Variants in BTN3A2 observed in about 807,000 individuals in gnomAD.
The protein encoded by BTN3A2 is butyrophilin protein.
Under a neutral mutation model 37.6 loss-of-function variants are expected in BTN3A2, and 25 were observed. The observed-to-expected ratio is 0.66, with a 90% CI of 0.48 to 0.93. The LOEUF (loss-of-function observed/expected upper bound fraction) is 0.93. BTN3A2 is among the 40% of genes least tolerant of loss of function. The pLI is 0.00. For synonymous variants in BTN3A2, 122 were observed against 159.4 expected (o/e 0.77, Z 1.77); for missense variants, 266 against 410.9 (o/e 0.65, Z 3.05).
chr6:26,373,589 A>C, intron 8 of BTN3A2, 176 bp downstream of exon 8: 281 of 103,010 alleles, frequency 2.7e-3, no homozygotes, highest in Middle Eastern at 0.011. Flanking sequence ...TTCTCTCTAG[A>C]AAAAAAAAAA....
rs996722758 is a variant in BTN3A2, at chr6:26,375,776, A to T, written c.*35-21A>T. ...GCCTTCTACAGCGCTAGAGATTCAT[A>T]TGTTTATCCCCATTTTTCAGGTGAG... On this transcript the variant is annotated intron_variant, in intron 10 of 10. Coordinates refer to ENST00000377708, the MANE Select transcript of BTN3A2 (RefSeq NM_007047.5). 4.5e-6 allele frequency: 7 copies of T among 1,550,010 alleles called. No homozygotes were observed. The Admixed American group carries it at 7.8e-5, about 17-fold the overall frequency.
chr6:26,367,854 T>C (rs985231349), intron 1 of BTN3A2, 136 bp from the exon 2 acceptor site: 27 of 310,120 alleles, frequency 8.7e-5, no homozygotes, highest in African/African-American at 5.2e-4. Flanking sequence ...GGGTCCTTCA[T>C]GAATCAGAGG....
At chr6:26,365,464 G>C (rs1025053381) in intron 1 of BTN3A2, 112 bp downstream of exon 1, 37 of 1,211,614 alleles carry the variant, frequency 3.1e-5, no homozygotes, top group Non-Finnish European at 4.1e-5. Flanking sequence ...CAGAGAAAGG[G>C]GTGCAGTGCC....
Position 26,373,069 on chromosome 6 carries a change from T to C in BTN3A2, c.888T>C (p.Ala296=). 6.2e-7 allele frequency: 1 copy of C among 1,614,140 alleles called. No individual in the cohort carries two copies. Among genetic ancestry groups the C allele is most frequent in the East Asian group, 2.2e-5 (1 of 44,880 alleles). The change falls in exon 6 of 11, where the codon GCT becomes GCC. Residue 296 remains alanine (A), a synonymous_variant. Coordinates refer to ENST00000377708, the MANE Select transcript of BTN3A2 (RefSeq NM_007047.5). ...SEQEMKEMGY[A]ATEREISLRE... ...AAGAGATGAAAGAAATGGGATATGC[T>C]GCAACAGAGCGGGAAATAAGCCTAA...
chr6:26,368,099 A>G, intron 2 of BTN3A2, 49 bp downstream of exon 2: 1 of 1,601,316 alleles, frequency 6.2e-7, no homozygotes, highest in Non-Finnish European at 8.5e-7. Context: ...GGGGAAGTGG[A>G]CATTTCCATG....
chr6:26,375,518 C>T (rs1275601014), intron 10 of BTN3A2: 1 of 899,712 alleles, frequency 1.1e-6, no homozygotes, highest in Non-Finnish European at 1.7e-6. Context: ...CTATCAGGGC[C>T]TCCCATTGGC....
Position 26,377,368 on chromosome 6 carries a change from T to C in BTN3A2, c.*1606T>C. 1.8e-6 allele frequency: 1 copy of C among 565,076 alleles called. No individual in the cohort carries two copies. The highest frequency in any genetic ancestry group is 3.2e-6 in the Non-Finnish European group (1 of 312,252). The allele number at this position is 565,076 out of a possible 1,614,324, so 35.0% of individuals were successfully genotyped here. On this transcript the variant is annotated 3_prime_UTR_variant, in exon 11 of 11. Transcript: ENST00000377708. Reference sequence around the variant, plus strand: ...AGTTTGGTGCCACCTTATTGGCCCCTTTATACAGATAAGGAAACTGGGGTG... The same window carrying C: ...AGTTTGGTGCCACCTTATTGGCCCCCTTATACAGATAAGGAAACTGGGGTG...
chr6:26,375,430 G>A (rs9348716), intron 10 of BTN3A2: 43,035 of 499,594 alleles, frequency 0.086, 2,238 homozygotes, highest in Non-Finnish European at 0.11. Context: ...CCTTGTTAGA[G>A]CACCACCAGC....
At chr6:26,365,832 A>G (rs770745029) in intron 1 of BTN3A2, among the ~76,000 whole-genome samples, 1 of 152,336 alleles carries the variant, frequency 6.6e-6, no homozygotes, top group Non-Finnish European at 1.5e-5. Context: ...TTACAGAAGT[A>G]TTTATAATAT....
At chr6:26,373,479 A>G in intron 8 of BTN3A2, 66 bp downstream of exon 8, 1 of 1,549,448 alleles carries the variant, frequency 6.5e-7, no homozygotes, top group Admixed American at 2.0e-5. Flanking sequence ...ATTATTTTCC[A>G]GCCCATAAGT....
In BTN3A2 at chr6:26,376,558, T is replaced by C. The variant is rs1581574489; in HGVS notation, c.*796T>C. 9 of 1,383,802 alleles carry C rather than the reference T, an allele frequency of 6.5e-6. No individual in the cohort carries two copies. The African/African-American group carries it at 1.2e-4, about 18-fold the overall frequency. 85.7% of individuals were successfully genotyped at this position (1,383,802 alleles called of 1,614,324 possible). Reference sequence around the variant, plus strand: ...AATGGCTGACCCCATGGACACCTCCTCAAACTCTCTGCAGCAGATGTAATT... The same window carrying C: ...AATGGCTGACCCCATGGACACCTCCCCAAACTCTCTGCAGCAGATGTAATT... On this transcript the variant is annotated 3_prime_UTR_variant, in exon 11 of 11. Transcript: ENST00000377708.
chr6:26,375,844 T>C lies in BTN3A2; in HGVS notation c.*82T>C. On this transcript the variant is annotated 3_prime_UTR_variant, in exon 11 of 11. Coordinates refer to ENST00000377708, the MANE Select transcript of BTN3A2 (RefSeq NM_007047.5). ...GCTCCACCTTGTTAAATAAATTGGATGTATGGAAAAATAGACTGCAGAAAA... is the reference window on the plus strand; with the variant it reads ...GCTCCACCTTGTTAAATAAATTGGACGTATGGAAAAATAGACTGCAGAAAA... 1.9e-6 allele frequency: 3 copies of C among 1,549,302 alleles called. No homozygotes were observed. The highest frequency in any genetic ancestry group is 2.6e-6 in the Non-Finnish European group (3 of 1,145,032).
intron 5 of BTN3A2, among the ~76,000 whole-genome samples, chr6:26,371,987 G>C (rs796145759): frequency 2.0e-5 from 3 of 152,146 alleles, no homozygotes; most frequent in Non-Finnish European, 1.5e-5. Context: ...CCTGTAAAAG[G>C]TTTCTTATAG....
chr6:26,370,190 C>A, intron 4 of BTN3A2, 132 bp from the exon 5 acceptor site: 1 of 1,247,518 alleles, frequency 8.0e-7, no homozygotes, highest in Non-Finnish European at 1.1e-6. Flanking sequence ...CTCATCATGA[C>A]CACACTTTTG....
Position 26,375,413 on chromosome 6 carries a change from C to CGT in BTN3A2, c.*35-384_*35-383insGT, listed in dbSNP as rs543060742. 1.3e-3 allele frequency: 597 copies of CGT among 458,630 alleles called. 3 individuals are homozygous for CGT. Among genetic ancestry groups the CGT allele is most frequent in the African/African-American group, 9.4e-3 (464 of 49,214 alleles). 28.4% of individuals were successfully genotyped at this position (458,630 alleles called of 1,614,324 possible). ...AACGAGGGAGCTTCCTGAGAAGAGT[C>CGT]CTCGGGCCTTGTTAGAGCACCACCA... is the stretch of plus-strand genomic sequence containing the variant. On this transcript the variant is annotated intron_variant, in intron 10 of 10. Coordinates refer to ENST00000377708, the MANE Select transcript of BTN3A2 (RefSeq NM_007047.5).
chr6:26,372,698 T>G, intron 5 of BTN3A2, 199 bp from the exon 6 acceptor site: 2 of 584,066 alleles, frequency 3.4e-6, no homozygotes, highest in Non-Finnish European at 5.9e-6. Context: ...TCAAGATAAG[T>G]AATAGTAGTA....
In BTN3A2 at chr6:26,368,159, G is replaced by C; in HGVS notation, c.-5-19G>C. ...CCATAGTGTCTGTCCCACACCTTCT[G>C]GTATCTCTTGATATGCAGCATAGAT... On this transcript the variant is annotated intron_variant, in intron 2 of 10. Transcript: ENST00000377708. 1 of 1,612,718 alleles carries C rather than the reference G, an allele frequency of 6.2e-7. No homozygotes were observed. The highest frequency in any genetic ancestry group is 1.7e-5 in the Admixed American group (1 of 59,998).
At position 26,368,201 on chromosome 6, in the gene BTN3A2, C is replaced by G; in HGVS notation, c.19C>G (p.Leu7Val). The change falls in exon 3 of 11, where the codon CTG (leucine) becomes GTG (valine). Residue 7 changes from leucine to valine, a missense_variant. Leu to Val is a conservative substitution (Grantham distance 32). This residue lies in a region of BTN3A2 where 47 missense variants were observed against 77.3 expected (regional missense o/e 0.61). Transcript: ENST00000377708. Reference protein sequence around the residue: MKMASSLAFLLLNFHVS... With the variant: MKMASSVAFLLLNFHVS... The stretch of plus-strand genomic sequence containing the variant: ...AGCATAGATGAAAATGGCAAGTTCC[C>G]TGGCTTTCCTTCTGCTCAACTTTCA... The G allele has an allele frequency of 1.2e-6, 2 of 1,614,198 alleles. No homozygotes were observed. Among genetic ancestry groups the G allele is most frequent in the Non-Finnish European group, 1.7e-6 (2 of 1,180,028 alleles).
rs375636866 is a variant in BTN3A2, at chr6:26,370,600, G to A, written c.712G>A (p.Ala238Thr). Residue 238 changes from alanine to threonine, a missense_variant, in exon 5 of 11, where the codon GCA (alanine) becomes ACA (threonine). Around this residue, in one of 3 missense-constraint regions of BTN3A2, gnomAD observed 204 missense variants for 232.6 expected, o/e 0.88. Coordinates refer to ENST00000377708, the MANE Select transcript of BTN3A2 (RefSeq NM_007047.5). ...GGAAAAGACAGCCAGCATTTCCATC[G>A]CAGGTCAGTACCTGCTTGGCCTCAG... is the stretch of plus-strand genomic sequence containing the variant. The part of the protein sequence containing the change: ...GLEKTASISI[A>T]DPFFRSAQPW... The A allele has an allele frequency of 7.4e-6, 12 of 1,614,002 alleles. No individual in the cohort carries two copies. Among genetic ancestry groups the A allele is most frequent in the East Asian group, 2.2e-5 (1 of 44,884 alleles).
Sources: gnomAD v4.1 joint callset for allele counts (sites outside exome capture counted in the v4.1 genomes callset) on GRCh38, gnomAD v4.1.1 for gene constraint, gnomAD v4.1.1 regional missense constraint, MANE v1.5 for transcripts, NCBI Gene and HGNC (gene_info 2026-07-23, HGNC 2026-07-21) for gene names.